The following RIMS1 variants were observed in gnomAD, a reference collection of about 807,000 sequenced individuals.
The protein encoded by RIMS1 is regulating synaptic membrane exocytosis protein 1.
RIMS1 carries 83 observed loss-of-function variants against 214.1 expected under a neutral mutation model. The ratio of observed to expected loss-of-function variants is 0.39; its 90% confidence interval spans 0.32 to 0.47. The LOEUF is 0.47. RIMS1 is among the 20% of genes least tolerant of loss of function. The pLI is 0.99. For missense variants in RIMS1, 2,050 were observed against 2,161.8 expected (o/e 0.95, Z 1.03); for synonymous variants, 793 against 786.8 (o/e 1.01, Z -0.13).
intron 2 of RIMS1, among the ~76,000 whole-genome samples, chr6:72,042,942 C>T (rs1821863062): frequency 6.6e-6 from 1 of 151,734 alleles, no homozygotes; most frequent in Admixed American, 6.6e-5. Flanking sequence ...TTTTACTACT[C>T]AAAATGCTCA....
At chr6:72,233,685 C>T in intron 6 of RIMS1, 88 bp from the exon 7 acceptor site, 1 of 965,686 alleles carries the variant, frequency 1.0e-6, no homozygotes, top group Non-Finnish European at 1.6e-6. Flanking sequence ...GATATTAAAA[C>T]TCTTTATAGA....
chr6:72,257,839 A>C (rs1253353198), intron 16 of RIMS1, among the ~76,000 whole-genome samples: 1 of 152,184 alleles, frequency 6.6e-6, no homozygotes, highest in African/African-American at 2.4e-5. Context: ...ATTTAAATTG[A>C]AACAGTATCC....
chr6:72,359,136 A>T (rs1454746377), intron 29 of RIMS1, among the ~76,000 whole-genome samples: 1 of 152,202 alleles, frequency 6.6e-6, no homozygotes, highest in Non-Finnish European at 1.5e-5. Context: ...AGAGGCTAAC[A>T]AATACAGTTT....
At chr6:72,270,464 G>A (rs916635373) in intron 22 of RIMS1, among the ~76,000 whole-genome samples, 1 of 151,980 alleles carries the variant, frequency 6.6e-6, no homozygotes, top group Admixed American at 6.6e-5. Context: ...TTGGTAAATC[G>A]TTCATTTGGG....
chr6:72,054,120 C>G (rs1029638231), intron 2 of RIMS1, among the ~76,000 whole-genome samples: 1 of 151,870 alleles, frequency 6.6e-6, no homozygotes, highest in Non-Finnish European at 1.5e-5. Context: ...TTGTTCCCCT[C>G]CCTTTGTCCA....
intron 1 of RIMS1, among the ~76,000 whole-genome samples, chr6:71,925,443 A>G (rs891675012): frequency 4.6e-5 from 7 of 152,320 alleles, no homozygotes; most frequent in African/African-American, 7.2e-5. Flanking sequence ...TTTTTGTTTG[A>G]AACAGGAATT....
chr6:72,394,507 A>G (rs560037147), intron 31 of RIMS1, among the ~76,000 whole-genome samples: 11 of 152,122 alleles, frequency 7.2e-5, no homozygotes, highest in Non-Finnish European at 1.2e-4. Flanking sequence ...CAATAATAAT[A>G]TCTAAAACTG....
At chr6:72,243,268 C>T (rs6906942) in intron 10 of RIMS1, among the ~76,000 whole-genome samples, 149,136 of 151,764 alleles carry the variant, frequency 0.98, 73,327 homozygotes, top group East Asian at 1. Flanking sequence ...TAATTTGTAT[C>T]GGCCTCATGA....
chr6:72,005,094 G>A (rs1183217070), intron 2 of RIMS1, among the ~76,000 whole-genome samples: 3 of 151,918 alleles, frequency 2.0e-5, no homozygotes, highest in Non-Finnish European at 2.9e-5. Flanking sequence ...CATATGGCTA[G>A]CCAGTTTTCC....
In RIMS1 at chr6:72,225,571, A is replaced by G. The variant is rs975867202; in HGVS notation, c.1679-8202A>G. ...TGTCTTTGCTGTGAACTTGCCCAGC[A>G]CAACAATTTCTTAAACCTATGGTTA... On this transcript the variant is annotated intron_variant, in intron 6 of 33. Coordinates refer to ENST00000521978, the MANE Select transcript of RIMS1 (RefSeq NM_014989.7). 4.6e-5 allele frequency among the ~76,000 whole-genome samples: 7 copies of G among 152,190 alleles called. 1 individual carries two copies. The East Asian group carries it at 1.3e-3, about 29-fold the overall frequency.
intron 2 of RIMS1, among the ~76,000 whole-genome samples, chr6:72,061,933 T>C (rs1454199942): frequency 6.6e-6 from 1 of 152,234 alleles, no homozygotes; most frequent in Non-Finnish European, 1.5e-5. Flanking sequence ...AATATAATTA[T>C]TCAGCACAGC....
At chr6:72,303,705 G>C (rs910745611) in intron 26 of RIMS1, among the ~76,000 whole-genome samples, 26 of 151,360 alleles carry the variant, frequency 1.7e-4, no homozygotes, top group African/African-American at 6.3e-4. Flanking sequence ...AGTTTGGAAA[G>C]AACAATGTAT....
intron 22 of RIMS1, among the ~76,000 whole-genome samples, chr6:72,271,287 ATATAT>A (rs1427403914): frequency 5.2e-4 from 3 of 5,734 alleles, no homozygotes; most frequent in African/African-American, 1.6e-3. Context: ...AAAAAAAAAA[ATATAT>A]ATATATATAT....
intron 1 of RIMS1, among the ~76,000 whole-genome samples, chr6:71,935,146 G>A (rs1184311445): frequency 1.3e-5 from 2 of 152,132 alleles, no homozygotes; most frequent in African/African-American, 2.4e-5. Flanking sequence ...TTCTGAGTGA[G>A]ACAAAAATTA....
At chr6:72,321,819 C>G (rs377749335) in intron 28 of RIMS1, among the ~76,000 whole-genome samples, 1 of 151,954 alleles carries the variant, frequency 6.6e-6, no homozygotes, top group Admixed American at 6.6e-5. Context: ...TCAGTTATCC[C>G]CTTCTGGGGA....
At chr6:72,271,497 T>G (rs1350232920) in intron 22 of RIMS1, among the ~76,000 whole-genome samples, 2 of 151,918 alleles carry the variant, frequency 1.3e-5, no homozygotes, top group African/African-American at 4.8e-5. Context: ...AATTAATGAC[T>G]TACATTTTTA....
intron 2 of RIMS1, among the ~76,000 whole-genome samples, chr6:72,011,580 T>C (rs950468381): frequency 1.3e-5 from 2 of 152,136 alleles, no homozygotes; most frequent in African/African-American, 4.8e-5. Flanking sequence ...AATCTACTCA[T>C]CTGACAAAGG....
intron 28 of RIMS1, among the ~76,000 whole-genome samples, chr6:72,329,965 G>T (rs2096605066): frequency 6.6e-6 from 1 of 151,726 alleles, no homozygotes; most frequent in African/African-American, 2.4e-5. Context: ...AAACAATTGG[G>T]ATCTGCAGCA....
At chr6:72,055,122 TA>T (rs1382500194) in intron 2 of RIMS1, among the ~76,000 whole-genome samples, 1 of 152,136 alleles carries the variant, frequency 6.6e-6, no homozygotes, top group African/African-American at 2.4e-5. Flanking sequence ...GTCCCTCTAT[TA>T]TTTTCATCAT....
Sources: allele counts gnomAD v4.1 joint callset (sites outside exome capture counted in the v4.1 genomes callset), GRCh38; gene constraint gnomAD v4.1.1; transcripts MANE v1.5; gene names NCBI Gene and HGNC (gene_info 2026-07-23, HGNC 2026-07-21).